HIVEP1: variants seen among roughly 807,000 people sequenced by gnomAD.
The protein encoded by HIVEP1 is zinc finger protein 40.
Under a neutral mutation model 180.0 loss-of-function variants are expected in HIVEP1, and 36 were observed. The ratio of observed to expected loss-of-function variants is 0.20; its 90% confidence interval spans 0.15 to 0.26. HIVEP1 has a LOEUF of 0.26. HIVEP1 is among the 10% of genes least tolerant of loss of function. HIVEP1 has a pLI of 1.00. For missense variants in HIVEP1, 3,143 were observed against 3,268.7 expected, an observed-to-expected ratio of 0.96 and a Z score of 0.94; for synonymous variants, 1,239 against 1,239.0, an observed-to-expected ratio of 1.00 and a Z score of 0.00.
chr6:12,031,880 C>G (rs1019711640), intron 2 of HIVEP1, among the ~76,000 whole-genome samples: 1 of 152,138 alleles, frequency 6.6e-6, no homozygotes, highest in African/African-American at 2.4e-5. Flanking sequence ...ATTCTGTCCT[C>G]CTGTGGACCG....
rs527708521 is a variant in HIVEP1, at chr6:12,160,643, A to AG, written c.6488-790dup. ...AAAACAAAAAAACAGGAGGCAGGGG[A>AG]GGGGGGCCGGTGTTACCGAGTAGAC... On this transcript the variant is annotated intron_variant, in intron 7 of 8. Coordinates refer to ENST00000379388, the MANE Select transcript of HIVEP1 (RefSeq NM_002114.4). 2.9e-4 allele frequency among the ~76,000 whole-genome samples: 44 copies of AG among 152,252 alleles called. No homozygotes were observed. The East Asian group carries it at 8.1e-3, about 28-fold the overall frequency.
chr6:12,038,678 GACAACA>G (rs141462262), intron 2 of HIVEP1: 47 of 151,830 alleles, frequency 3.1e-4, no homozygotes, highest in Middle Eastern at 3.3e-3. Context: ...TCTCAACAAC[GACAACA>G]ACAACAACAA....
At chr6:12,047,367 C>G (rs1236169618) in intron 2 of HIVEP1, among the ~76,000 whole-genome samples, 1 of 152,192 alleles carries the variant, frequency 6.6e-6, no homozygotes, top group Admixed American at 6.5e-5. Flanking sequence ...GACATTTTGT[C>G]AGTGTCTTCA....
intron 2 of HIVEP1, among the ~76,000 whole-genome samples, chr6:12,040,627 A>G (rs1270155494): frequency 6.6e-6 from 1 of 152,224 alleles, no homozygotes; most frequent in East Asian, 1.9e-4. Flanking sequence ...AACTTGTGTG[A>G]TTTAAATTTT....
intron 3 of HIVEP1, among the ~76,000 whole-genome samples, chr6:12,110,552 A>G (rs1554144297): frequency 6.6e-6 from 1 of 152,214 alleles, no homozygotes; most frequent in Non-Finnish European, 1.5e-5. Context: ...GCTAGCTGTC[A>G]GCCTTTCTTC....
In HIVEP1 at chr6:12,120,848, A is replaced by G; in HGVS notation, c.1053A>G (p.Gln351=). 1.2e-6 allele frequency: 2 copies of G among 1,614,188 alleles called. No homozygotes were observed. Among genetic ancestry groups the G allele is most frequent in the Non-Finnish European group, 1.7e-6 (2 of 1,180,034 alleles). ...CTCAGGTTACTCCTCAAAACCAGCAAATGGATTCTGCTTCACCTTTGTCAA... is the reference window on the plus strand; with the variant it reads ...CTCAGGTTACTCCTCAAAACCAGCAGATGGATTCTGCTTCACCTTTGTCAA... ...SRSQVTPQNQ[Q]MDSASPLSIS... is the part of the protein sequence containing the mutation. The change falls in exon 4 of 9, where the codon CAA becomes CAG. Residue 351 remains glutamine (Q), a synonymous_variant. Transcript: ENST00000379388.
intron 2 of HIVEP1, chr6:12,037,684 A>G: frequency 2.5e-6 from 1 of 400,684 alleles, no homozygotes; most frequent in African/African-American, 2.1e-5. Context: ...AATGAAATCT[A>G]AATGATAATT....
upstream of HIVEP1, among the ~76,000 whole-genome samples, chr6:12,011,573 T>TCCCC (rs1395447646): frequency 4.5e-5 from 3 of 66,274 alleles, no homozygotes; most frequent in African/African-American, 1.8e-4. Context: ...ACCCCGCCCC[T>TCCCC]CCCCCCCGGG....
the HIVEP1 span, among the ~76,000 whole-genome samples, chr6:12,172,452 A>AT: frequency 5.3e-5 from 8 of 152,140 alleles, no homozygotes; most frequent in African/African-American, 1.9e-4. Context: ...TCTGAAAAAA[A>AT]ATATAGCTGA....
At chr6:12,135,493 A>G (rs1038885243) in intron 6 of HIVEP1, among the ~76,000 whole-genome samples, 11 of 152,248 alleles carry the variant, frequency 7.2e-5, no homozygotes, top group Non-Finnish European at 1.5e-4. Context: ...GGGACTTTAA[A>G]TTAAGTATGT....
At chr6:12,162,471 G>A (rs1760470886) in intron 8 of HIVEP1, among the ~76,000 whole-genome samples, 1 of 152,226 alleles carries the variant, frequency 6.6e-6, no homozygotes, top group Non-Finnish European at 1.5e-5. Flanking sequence ...CAGCTTGGGA[G>A]AGCTTTCTGC....
chr6:12,195,770 T>A, the HIVEP1 span, among the ~76,000 whole-genome samples: 6 of 152,236 alleles, frequency 3.9e-5, no homozygotes, highest in African/African-American at 1.4e-4. Flanking sequence ...TTAAATCAAA[T>A]TGCTAAATTG....
intron 2 of HIVEP1, among the ~76,000 whole-genome samples, chr6:12,045,726 G>A (rs1484346815): frequency 5.3e-5 from 8 of 152,208 alleles, no homozygotes; most frequent in Admixed American, 5.2e-4. Flanking sequence ...AATGCCTCTG[G>A]TGACAAAGCT....
At chr6:12,105,178 T>C (rs1164859869) in intron 3 of HIVEP1, among the ~76,000 whole-genome samples, 2 of 152,216 alleles carry the variant, frequency 1.3e-5, no homozygotes, top group African/African-American at 4.8e-5. Flanking sequence ...TTTGGGGCCA[T>C]TGAAAGTGAG....
the HIVEP1 span, among the ~76,000 whole-genome samples, chr6:12,208,534 G>A: frequency 3.9e-5 from 6 of 152,134 alleles, no homozygotes; most frequent in Non-Finnish European, 5.9e-5. Context: ...GCTGCACCGC[G>A]TCACCCAGCC....
chr6:12,157,926 A>G (rs931902123), intron 7 of HIVEP1, among the ~76,000 whole-genome samples: 2 of 152,144 alleles, frequency 1.3e-5, no homozygotes, highest in African/African-American at 4.8e-5. Flanking sequence ...TTTTCTTGAT[A>G]TTGTTACCAT....
intron 2 of HIVEP1, among the ~76,000 whole-genome samples, chr6:12,078,719 C>CACACACACATATATATATATATAT (rs758199591): frequency 6.8e-6 from 1 of 146,358 alleles, no homozygotes; most frequent in Non-Finnish European, 1.5e-5. Context: ...CACACACACA[C>CACACACACATATATATATATATAT]ATATATATAT....
intron 3 of HIVEP1, among the ~76,000 whole-genome samples, chr6:12,096,826 A>T (rs149427623): frequency 4.9e-4 from 75 of 152,172 alleles, no homozygotes; most frequent in African/African-American, 1.8e-3. Context: ...TAATACTGAA[A>T]TTTAGGTAGT....
Position 12,137,570 on chromosome 6 carries a change from C to CT in HIVEP1, c.6487+1686dup, listed in dbSNP as rs374807624. Reference sequence around the variant, plus strand: ...GTTTTACCTTTTTCCTTTCAGTTTACTTTTTTTTAAAACTACTGTATTTGT... The same window carrying CT: ...GTTTTACCTTTTTCCTTTCAGTTTACTTTTTTTTTAAAACTACTGTATTTGT... On this transcript the variant is annotated intron_variant, in intron 7 of 8. Coordinates refer to ENST00000379388, the MANE Select transcript of HIVEP1 (RefSeq NM_002114.4). Among the ~76,000 whole-genome samples the CT allele has an allele frequency of 1.3e-4, 19 of 150,434 alleles. No homozygotes were observed. In the South Asian group the frequency reaches 2.7e-3, roughly 21 times the overall value.
Sources: allele counts gnomAD v4.1 joint callset (sites outside exome capture counted in the v4.1 genomes callset), GRCh38; gene constraint gnomAD v4.1.1; transcripts MANE v1.5; gene names NCBI Gene and HGNC (gene_info 2026-07-23, HGNC 2026-07-21).